MYO9A: variants seen among roughly 807,000 people sequenced by gnomAD.
MYO9A encodes myosin IXA.
MYO9A carries 103 observed loss-of-function variants against 293.3 expected under a neutral mutation model. That is an observed-to-expected ratio of 0.35 (90% CI 0.30 to 0.41). The LOEUF (loss-of-function observed/expected upper bound fraction) is 0.41. Among genes scored for constraint, MYO9A ranks in the 10% least tolerant of loss-of-function variants. The pLI, the probability that MYO9A is intolerant of heterozygous loss-of-function variation, is 1.00. For synonymous variants in MYO9A, 1,001 were observed against 1,035.7 expected (o/e 0.97, Z 0.64); for missense variants, 2,685 against 3,033.0 (o/e 0.89, Z 2.69).
chr15:71,983,320 T>A (rs1273243588), intron 11 of MYO9A, among the ~76,000 whole-genome samples: 2 of 151,986 alleles, frequency 1.3e-5, no homozygotes, highest in African/African-American at 4.8e-5. Flanking sequence ...CCTTAACTTA[T>A]CACTAACAGA....
chr15:72,038,272 T>C (rs747748517), intron 2 of MYO9A, among the ~76,000 whole-genome samples: 40 of 152,110 alleles, frequency 2.6e-4, no homozygotes, highest in Non-Finnish European at 5.1e-4. Flanking sequence ...CGAAAGACCA[T>C]GTTCTGGGCC....
At chr15:72,044,403 C>CAA (rs111300290) in intron 2 of MYO9A, among the ~76,000 whole-genome samples, 13 of 101,704 alleles carry the variant, frequency 1.3e-4, no homozygotes, top group South Asian at 6.3e-4. Flanking sequence ...AAAATTGTCT[C>CAA]AAAAAAAAAA....
rs1567175581 is a variant in MYO9A, at chr15:71,830,103, A to G, written c.7040+6T>C. The G allele has an allele frequency of 3.7e-6, 6 of 1,608,040 alleles. No homozygotes were observed. Among genetic ancestry groups the G allele is most frequent in the Non-Finnish European group, 5.1e-6 (6 of 1,174,700 alleles). On this transcript the variant is annotated splice_donor_region_variant and intron_variant, in intron 40 of 41. Coordinates refer to ENST00000356056, the MANE Select transcript of MYO9A (RefSeq NM_006901.4). The stretch of plus-strand genomic sequence containing the variant: ...ACTGTCTCTCCCCTTCCTCCTGGAT[A>G]CTCACTTCTCCTTCTGTAGGTTCTC...
intron 16 of MYO9A, 60 bp from the exon 17 acceptor site, chr15:71,935,544 A>C: frequency 1.4e-6 from 2 of 1,427,592 alleles, no homozygotes; most frequent in Non-Finnish European, 1.9e-6. Flanking sequence ...TACTGCTTAA[A>C]TAAGTAAAAT....
intron 7 of MYO9A, among the ~76,000 whole-genome samples, chr15:72,008,335 G>C (rs1245242744): frequency 6.6e-6 from 1 of 152,024 alleles, no homozygotes; most frequent in African/African-American, 2.4e-5. Flanking sequence ...GAAAGGCCTT[G>C]AATCTGTATT....
At chr15:71,919,841 C>CA (rs373980359) in intron 18 of MYO9A, among the ~76,000 whole-genome samples, 56,510 of 82,306 alleles carry the variant, frequency 0.69, 19,342 homozygotes, top group Non-Finnish European at 0.75. Context: ...GACTCCATCT[C>CA]AAAAAAAAAA....
chr15:72,017,886 T>A (rs1210000712), intron 6 of MYO9A, among the ~76,000 whole-genome samples: 3 of 152,060 alleles, frequency 2.0e-5, no homozygotes, highest in African/African-American at 4.8e-5. Context: ...AAGAAAAAAA[T>A]TTTTGTGTTC....
chr15:72,026,145 C>T (rs890643411), intron 4 of MYO9A, among the ~76,000 whole-genome samples: 9 of 151,466 alleles, frequency 5.9e-5, no homozygotes, highest in Non-Finnish European at 1.3e-4. Flanking sequence ...TGATGGCAGG[C>T]GCCTGTAGTC....
intron 6 of MYO9A, among the ~76,000 whole-genome samples, chr15:72,017,999 A>G (rs2077392926): frequency 6.6e-6 from 1 of 151,806 alleles, no homozygotes; most frequent in Admixed American, 6.6e-5. Flanking sequence ...GGCCAAGGCA[A>G]GAGAATCACT....
intron 11 of MYO9A, among the ~76,000 whole-genome samples, chr15:71,984,417 T>A (rs531093853): frequency 2.2e-4 from 34 of 152,372 alleles, no homozygotes; most frequent in Non-Finnish European, 4.4e-5. Flanking sequence ...TATCTTTGTA[T>A]TTAACATGCC....
intron 1 of MYO9A, among the ~76,000 whole-genome samples, chr15:72,077,645 C>T (rs1010649626): frequency 3.6e-5 from 5 of 138,874 alleles, no homozygotes; most frequent in African/African-American, 8.0e-5. Flanking sequence ...GGCAGGGTGG[C>T]GGGGGGCGGC....
chr15:71,999,708 A>C, intron 9 of MYO9A, 143 bp downstream of exon 9: 1 of 548,832 alleles, frequency 1.8e-6, no homozygotes, highest in South Asian at 3.0e-5. Context: ...AAAATTCACA[A>C]TCAAATGTAA....
At chr15:72,107,461 A>T (rs35071085) in intron 1 of MYO9A, among the ~76,000 whole-genome samples, 2,007 of 152,336 alleles carry the variant, frequency 0.013, 21 homozygotes, top group East Asian at 0.025. Flanking sequence ...AGGCAGGAGA[A>T]TCACTTGAAC....
intron 12 of MYO9A, among the ~76,000 whole-genome samples, chr15:71,969,341 TA>T (rs1444278292): frequency 2.6e-5 from 4 of 152,228 alleles, no homozygotes; most frequent in African/African-American, 7.2e-5. Context: ...CAATGGAATA[TA>T]ACTTACTATT....
At chr15:71,995,722 A>G (rs1412316779) in intron 9 of MYO9A, among the ~76,000 whole-genome samples, 1 of 152,118 alleles carries the variant, frequency 6.6e-6, no homozygotes, top group Non-Finnish European at 1.5e-5. Flanking sequence ...TTTGAAGTAT[A>G]AAGAAAATAG....
chr15:71,887,638 A>G (rs1347320843), intron 27 of MYO9A, among the ~76,000 whole-genome samples: 1 of 152,128 alleles, frequency 6.6e-6, no homozygotes, highest in Non-Finnish European at 1.5e-5. Context: ...TGTTGAAGAC[A>G]ATGTATAAGC....
chr15:72,011,722 G>A (rs1443153225), intron 6 of MYO9A, among the ~76,000 whole-genome samples: 1 of 152,118 alleles, frequency 6.6e-6, no homozygotes, highest in Non-Finnish European at 1.5e-5. Flanking sequence ...AACAATAAGT[G>A]AGTCATAAAT....
intron 1 of MYO9A, among the ~76,000 whole-genome samples, chr15:72,101,076 AGCCCCCCGCCAG>A (rs1267742236): frequency 7.8e-6 from 1 of 128,822 alleles, no homozygotes; most frequent in African/African-American, 2.9e-5. Flanking sequence ...TGGGGGGTTC[AGCCCCCCGCCAG>A]GCCAGCCGCC....
intron 8 of MYO9A, among the ~76,000 whole-genome samples, chr15:72,004,049 C>T (rs2076949078): frequency 6.6e-6 from 1 of 152,182 alleles, no homozygotes; most frequent in Non-Finnish European, 1.5e-5. Context: ...AACCCCAAAA[C>T]ATACTAATCT....
Sources: allele counts gnomAD v4.1 joint callset (sites outside exome capture counted in the v4.1 genomes callset), GRCh38; gene constraint gnomAD v4.1.1; transcripts MANE v1.5; gene names NCBI Gene and HGNC (gene_info 2026-07-23, HGNC 2026-07-21).